Variants in DISP1 observed in about 807,000 individuals in gnomAD.
DISP1 encodes dispatched RND transporter family member 1.
DISP1 carries 30 observed loss-of-function variants against 37.3 expected under a neutral mutation model. The observed-to-expected ratio is 0.80, with a 90% CI of 0.60 to 1.09. DISP1 has a LOEUF of 1.09. Ranked by LOEUF, DISP1 falls within the 50% of genes least tolerant of loss-of-function variation. The probability of loss-of-function intolerance (pLI) is 0.00; values close to 1 mark genes in which losing one functional copy is unlikely to be tolerated. For synonymous variants in DISP1, 634 were observed against 690.2 expected (o/e 0.92, Z 1.28); for missense variants, 1,598 against 1,879.5 (o/e 0.85, Z 2.77).
chr1:222,906,981 T>C (rs572583647), intron 1 of DISP1, among the ~76,000 whole-genome samples: 1 of 152,348 alleles, frequency 6.6e-6, no homozygotes, highest in Admixed American at 6.5e-5. Context: ...GATTTTGACC[T>C]TGGTCTTTTT....
intron 8 of DISP1, among the ~76,000 whole-genome samples, chr1:222,995,810 G>A (rs148668497): frequency 3.9e-5 from 6 of 152,224 alleles, no homozygotes; most frequent in African/African-American, 4.8e-5. Flanking sequence ...TTAAAAAATC[G>A]AATCATGTGC....
chr1:222,861,370 C>G (rs183763870), intron 1 of DISP1, among the ~76,000 whole-genome samples: 1 of 152,294 alleles, frequency 6.6e-6, no homozygotes, highest in Non-Finnish European at 1.5e-5. Context: ...ATATTCTAGA[C>G]TCTAAATTCT....
At chr1:222,825,499 C>CTTTT (rs954921482) in intron 1 of DISP1, among the ~76,000 whole-genome samples, 34 of 131,796 alleles carry the variant, frequency 2.6e-4, no homozygotes, top group African/African-American at 4.1e-4. Context: ...ACCTGTTTCT[C>CTTTT]TTTTTTTTTT....
chr1:222,992,069 A>G lies in DISP1; in HGVS notation c.848A>G (p.Asp283Gly). Reference protein sequence around the residue: ...DHYEREKREVDWNFHKDSFFC... With the variant: ...DHYEREKREVGWNFHKDSFFC... Reference sequence around the variant, plus strand: ...TATGAAAGAGAGAAAAGAGAAGTTGACTGGAACTTCCACAAGGACAGCTTT... The same window carrying G: ...TATGAAAGAGAGAAAAGAGAAGTTGGCTGGAACTTCCACAAGGACAGCTTT... Residue 283 changes from aspartate to glycine, a missense_variant, in exon 7 of 9, where the codon GAC (aspartate) becomes GGC (glycine). Physicochemically the swap from Asp to Gly is moderately conservative, Grantham distance 94. Coordinates refer to ENST00000675850, the MANE Select transcript of DISP1 (RefSeq NM_001377229.1). 6.2e-7 allele frequency: 1 copy of G among 1,614,052 alleles called. No homozygotes were observed. Among genetic ancestry groups the G allele is most frequent in the South Asian group, 1.1e-5 (1 of 91,076 alleles).
intron 4 of DISP1, among the ~76,000 whole-genome samples, chr1:222,983,432 C>T (rs1031047866): frequency 6.6e-6 from 1 of 152,032 alleles, no homozygotes; most frequent in Non-Finnish European, 1.5e-5. Context: ...GCCTGGCCAA[C>T]ATGGCAAAAC....
intron 3 of DISP1, among the ~76,000 whole-genome samples, chr1:222,956,524 G>A (rs2789932): frequency 0.97 from 147,165 of 152,256 alleles, 71,321 homozygotes; most frequent in East Asian, 1. Flanking sequence ...TTTTTTCATT[G>A]TAAAGCAATC....
chr1:222,822,266 C>T (rs1369967082), intron 1 of DISP1, among the ~76,000 whole-genome samples: 1 of 152,170 alleles, frequency 6.6e-6, no homozygotes, highest in Non-Finnish European at 1.5e-5. Context: ...GTAGAATTTG[C>T]ATTTGACTCA....
intron 1 of DISP1, among the ~76,000 whole-genome samples, chr1:222,917,498 G>T (rs1672560664): frequency 6.6e-6 from 1 of 152,190 alleles, no homozygotes; most frequent in Non-Finnish European, 1.5e-5. Flanking sequence ...GCCCTAAAGA[G>T]GTAAAGAGAA....
intron 1 of DISP1, among the ~76,000 whole-genome samples, chr1:222,883,158 C>T (rs1670372784): frequency 6.6e-6 from 1 of 151,918 alleles, no homozygotes; most frequent in Non-Finnish European, 1.5e-5. Flanking sequence ...TTTGGTAATA[C>T]AATTTAAGTA....
At chr1:222,916,990 C>T (rs777077377) in intron 1 of DISP1, among the ~76,000 whole-genome samples, 3 of 152,164 alleles carry the variant, frequency 2.0e-5, no homozygotes, top group Admixed American at 6.5e-5. Flanking sequence ...AGGGAATTCA[C>T]GCCCCAAGCG....
At chr1:222,818,529 A>G (rs1247886482) in intron 1 of DISP1, among the ~76,000 whole-genome samples, 3 of 151,728 alleles carry the variant, frequency 2.0e-5, no homozygotes, top group Non-Finnish European at 4.4e-5. Context: ...ATATATGTGT[A>G]TTTTTAAAAG....
chr1:222,930,471 CT>C (rs1673324900), intron 2 of DISP1, among the ~76,000 whole-genome samples: 2 of 151,970 alleles, frequency 1.3e-5, no homozygotes, highest in African/African-American at 2.4e-5. Context: ...AAGGTGGTGG[CT>C]TTTTGTTCTC....
At chr1:222,905,746 T>C (rs1320654808) in intron 1 of DISP1, among the ~76,000 whole-genome samples, 2 of 152,220 alleles carry the variant, frequency 1.3e-5, no homozygotes, top group Non-Finnish European at 2.9e-5. Context: ...ATAAATTTTA[T>C]TTATTCCATG....
chr1:222,975,507 G>A (rs1362670902), intron 3 of DISP1, among the ~76,000 whole-genome samples: 1 of 152,116 alleles, frequency 6.6e-6, no homozygotes, highest in Non-Finnish European at 1.5e-5. Context: ...AGACAATTTG[G>A]AGCTTTTCCA....
intron 3 of DISP1, among the ~76,000 whole-genome samples, chr1:222,951,077 G>A (rs1486546207): frequency 6.6e-6 from 1 of 152,074 alleles, no homozygotes; most frequent in East Asian, 1.9e-4. Flanking sequence ...ATAGACAGAT[G>A]GCCATTTTGA....
intron 1 of DISP1, among the ~76,000 whole-genome samples, chr1:222,842,310 T>TG (rs762869274): frequency 9.4e-6 from 1 of 106,874 alleles, no homozygotes; most frequent in African/African-American, 3.9e-5. Flanking sequence ...AAACCTGTCA[T>TG]TTTAAAAAAA....
intron 1 of DISP1, among the ~76,000 whole-genome samples, chr1:222,855,870 A>G (rs1348118091): frequency 1.3e-5 from 2 of 150,960 alleles, no homozygotes; most frequent in African/African-American, 2.4e-5. Context: ...TTCTCCAATT[A>G]TAAGAGAGAC....
At chr1:222,929,955 TA>T (rs1489964900) in intron 2 of DISP1, among the ~76,000 whole-genome samples, 15 of 152,166 alleles carry the variant, frequency 9.9e-5, no homozygotes, top group African/African-American at 3.1e-4. Context: ...GATCATGAAC[TA>T]TTTGCATTGA....
At chr1:222,851,511 T>A (rs2125309957) in intron 1 of DISP1, among the ~76,000 whole-genome samples, 2 of 152,318 alleles carry the variant, frequency 1.3e-5, no homozygotes, top group East Asian at 1.9e-4. Flanking sequence ...CTCTGCCATT[T>A]GCCTCATTAG....
Sources: gnomAD v4.1 joint callset for allele counts (sites outside exome capture counted in the v4.1 genomes callset) on GRCh38, gnomAD v4.1.1 for gene constraint, MANE v1.5 for transcripts, NCBI Gene and HGNC (gene_info 2026-07-23, HGNC 2026-07-21) for gene names.